The following PCDHGA12 variants were observed in gnomAD, a reference collection of about 807,000 sequenced individuals.
The protein encoded by PCDHGA12 is protocadherin gamma subfamily A, 12, also known as protocadherin gamma-A12.
Under a neutral mutation model 61.1 loss-of-function variants are expected in PCDHGA12, and 43 were observed. The ratio of observed to expected loss-of-function variants is 0.70; its 90% confidence interval spans 0.55 to 0.91. PCDHGA12 has a LOEUF of 0.91. Ranked by LOEUF, PCDHGA12 falls within the 40% of genes least tolerant of loss-of-function variation. The pLI, the probability that PCDHGA12 is intolerant of heterozygous loss-of-function variation, is 0.00. For missense variants in PCDHGA12, 1,236 were observed against 1,227.7 expected, an observed-to-expected ratio of 1.01 and a Z score of -0.10; for synonymous variants, 520 against 542.9, an observed-to-expected ratio of 0.96 and a Z score of 0.59.
In PCDHGA12 at chr5:141,490,294, T is replaced by C. The variant is rs766906839; in HGVS notation, c.2425-4513T>C. ...CAATGACAATGCCCCAGAGGTGCTA[T>C]TGGCCTCTTTGGCCAACCCTGTCCT... On this transcript the variant is annotated intron_variant, in intron 1 of 3. Transcript: ENST00000252085. This position sits in a 1 kb window ranked among gnomAD's most constrained non-coding sequence, Gnocchi z 5.4. The C allele has an allele frequency of 5.6e-6, 9 of 1,614,104 alleles. No individual in the cohort carries two copies. The East Asian group carries it at 1.3e-4, about 24-fold the overall frequency.
At chr5:141,438,400 T>C (rs2154557880) in intron 1 of PCDHGA12, among the ~76,000 whole-genome samples, 1 of 151,918 alleles carries the variant, frequency 6.6e-6, no homozygotes, top group Non-Finnish European at 1.5e-5. Context: ...TCATTAACTC[T>C]CTGAAGTATT....
At chr5:141,446,669 C>T (rs554578186) in intron 1 of PCDHGA12, among the ~76,000 whole-genome samples, 2 of 152,182 alleles carry the variant, frequency 1.3e-5, no homozygotes, top group Admixed American at 1.3e-4. Flanking sequence ...TACAAGACAG[C>T]ATTTCACCAT....
chr5:141,492,602 C>G (rs1352851783), intron 1 of PCDHGA12, among the ~76,000 whole-genome samples: 2 of 152,222 alleles, frequency 1.3e-5, no homozygotes, highest in Non-Finnish European at 2.9e-5. Flanking sequence ...GAGCGACTGC[C>G]GCTCTAAGTG....
intron 1 of PCDHGA12, among the ~76,000 whole-genome samples, chr5:141,459,561 C>T (rs912894386): frequency 2.6e-5 from 4 of 151,954 alleles, no homozygotes; most frequent in African/African-American, 7.3e-5. Context: ...GGATAAATAC[C>T]CCAAAACAGA....
intron 1 of PCDHGA12, chr5:141,478,259 T>G: frequency 6.2e-7 from 1 of 1,614,182 alleles, no homozygotes. Context: ...AGTAATCATA[T>G]TCAAAGTTTA....
At chr5:141,441,709 C>T in intron 1 of PCDHGA12, 1 of 321,306 alleles carries the variant, frequency 3.1e-6, no homozygotes, top group Non-Finnish European at 6.1e-6. Flanking sequence ...TTCAAGCTCA[C>T]GCTGCAGGCC....
At chr5:141,459,136 T>C (rs1044347522) in intron 1 of PCDHGA12, among the ~76,000 whole-genome samples, 2 of 152,224 alleles carry the variant, frequency 1.3e-5, no homozygotes, top group Non-Finnish European at 2.9e-5. Context: ...GTAACCACCA[T>C]GCAATCAAAA....
At chr5:141,468,154 G>A (rs1374898668) in intron 1 of PCDHGA12, among the ~76,000 whole-genome samples, 2 of 151,838 alleles carry the variant, frequency 1.3e-5, no homozygotes, top group African/African-American at 2.4e-5. Flanking sequence ...GTGAAACCCT[G>A]TCTCTGCTAA....
chr5:141,467,055 CTTTT>C (rs1193465269), intron 1 of PCDHGA12, among the ~76,000 whole-genome samples: 5 of 134,484 alleles, frequency 3.7e-5, no homozygotes, highest in Non-Finnish European at 4.9e-5. Context: ...TCAATGTTTT[CTTTT>C]TTTTTTTTTT....
chr5:141,444,640 G>A (rs192148868), intron 1 of PCDHGA12, among the ~76,000 whole-genome samples: 3 of 152,196 alleles, frequency 2.0e-5, no homozygotes, highest in Non-Finnish European at 2.9e-5. Flanking sequence ...GTTCATTGAG[G>A]TAGGGGTTGA....
intron 1 of PCDHGA12, among the ~76,000 whole-genome samples, chr5:141,457,975 C>T (rs2098934043): frequency 6.6e-6 from 1 of 152,202 alleles, no homozygotes; most frequent in South Asian, 2.1e-4. Context: ...AAGGGAAACA[C>T]ACCCTTTCAG....
rs2097456240 is a variant in PCDHGA12, at chr5:141,432,134, G to T, written c.1375G>T (p.Ala459Ser). 3 of 1,613,756 alleles carry T rather than the reference G, an allele frequency of 1.9e-6. No individual in the cohort carries two copies. The highest frequency in any genetic ancestry group is 1.3e-5 in the African/African-American group (1 of 74,800). Residue 459 changes from alanine (A) to serine (S), a missense_variant, in exon 1 of 4, where the codon GCT becomes TCT. Physicochemically the swap from Ala to Ser is moderately conservative, Grantham distance 99 (BLOSUM62 1). Coordinates refer to ENST00000252085, the MANE Select transcript of PCDHGA12 (RefSeq NM_003735.3). This position sits in a 1 kb window ranked among gnomAD's most constrained non-coding sequence, Gnocchi z 6.0. The stretch of plus-strand genomic sequence containing the variant: ...GGTCTTCCCTCAGGCCTCCTATTCC[G>T]CTTATATCCCAGAGAACAATCCCAG... ...PPVFPQASYSAYIPENNPRGV... is the reference protein window; with the variant it reads ...PPVFPQASYSSYIPENNPRGV...
In PCDHGA12 at chr5:141,487,198, T is replaced by C; in HGVS notation, c.2425-7609T>C. ...AAGACACTCATCCAGTTGTCCCAGA[T>C]CTTCGAGAATCTTCAGCTCCAAGGG... On this transcript the variant is annotated intron_variant, in intron 1 of 3. Transcript: ENST00000252085. The surrounding 1 kb of genome is among the most constrained non-coding windows in gnomAD (Gnocchi z 5.0). The C allele has an allele frequency of 6.2e-7, 1 of 1,613,854 alleles. No homozygotes were observed.
rs750928530 is a variant in PCDHGA12 at position 141,490,174 on chromosome 5, G to T, written c.2425-4633G>T. 1 of 1,614,056 alleles carries T rather than the reference G, an allele frequency of 6.2e-7. No individual in the cohort carries two copies. Among genetic ancestry groups the T allele is most frequent in the South Asian group, 1.1e-5 (1 of 91,086 alleles). ...TGTGTTGGGTCCCATAGACTTTGAG[G>T]AGTCACGTTTCTATGAAATTCATGC... On this transcript the variant is annotated intron_variant, in intron 1 of 3. Transcript: ENST00000252085. This position sits in a 1 kb window ranked among gnomAD's most constrained non-coding sequence, Gnocchi z 5.4.
chr5:141,477,275 G>C lies in PCDHGA12; in HGVS notation c.2425-17532G>C, dbSNP rs1241603826. On this transcript the variant is annotated intron_variant, in intron 1 of 3. Transcript: ENST00000252085. This position sits in a 1 kb window ranked among gnomAD's most constrained non-coding sequence, Gnocchi z 4.9. ...CCTGGATGCTGGCGAGAACGGGCTG[G>C]TGACCTGCGAAGTTCCACCGGGTCT... The C allele has an allele frequency of 2.5e-6, 4 of 1,614,198 alleles. No individual in the cohort carries two copies. The South Asian group carries it at 4.4e-5, about 18-fold the overall frequency.
At position 141,509,122 on chromosome 5, in the gene PCDHGA12, G is replaced by A. The variant is rs2099875312; in HGVS notation, c.2573-1825G>A. 2.0e-5 allele frequency among the ~76,000 whole-genome samples: 3 copies of A among 152,154 alleles called. No homozygotes were observed. In the South Asian group the frequency reaches 6.2e-4, roughly 32 times the overall value. The stretch of plus-strand genomic sequence containing the variant: ...AGAAACCTGAGCGCTGGTGCGTGAA[G>A]AGAAAAACCGAGGCGCATCCCGGCT... On this transcript the variant is annotated intron_variant, in intron 3 of 3. Transcript: ENST00000252085.
intron 3 of PCDHGA12, among the ~76,000 whole-genome samples, chr5:141,505,989 T>C (rs1275642739): frequency 6.6e-6 from 1 of 152,136 alleles, no homozygotes; most frequent in Non-Finnish European, 1.5e-5. Context: ...ACACCTCCTC[T>C]TTATGCGAGG....
chr5:141,466,278 T>G (rs1459665755), intron 1 of PCDHGA12, among the ~76,000 whole-genome samples: 1 of 152,128 alleles, frequency 6.6e-6, no homozygotes, highest in Non-Finnish European at 1.5e-5. Context: ...TCAAGCAATC[T>G]TCCCACCTCA....
Position 141,491,382 on chromosome 5 carries a change from G to T in PCDHGA12, c.2425-3425G>T, listed in dbSNP as rs918558. 0.21 allele frequency: 331,798 copies of T among 1,613,774 alleles called. 36,318 individuals are homozygous for T. The highest frequency in any genetic ancestry group is 0.37 in the Admixed American group (22,359 of 60,012). ...TAGTCACCTTCACCTTTCTGTCAGC[G>T]AAGTGCCTTCAGGGAAACGCAGACG... is the stretch of plus-strand genomic sequence containing the variant. On this transcript the variant is annotated intron_variant, in intron 1 of 3. Transcript: ENST00000252085. This position sits in a 1 kb window ranked among gnomAD's most constrained non-coding sequence, Gnocchi z 6.9.
Sources: allele counts gnomAD v4.1 joint callset (sites outside exome capture counted in the v4.1 genomes callset), GRCh38; gene constraint gnomAD v4.1.1; non-coding constraint Gnocchi (gnomAD v3.1); transcripts MANE v1.5; gene names NCBI Gene and HGNC (gene_info 2026-07-23, HGNC 2026-07-21).